Variants in DIP2C observed in about 807,000 individuals in gnomAD.
The protein encoded by DIP2C is disco-interacting protein 2 homolog C.
A neutral mutation model predicts 192.4 loss-of-function variants in DIP2C; 33 were observed. That is an observed-to-expected ratio of 0.17 (90% CI 0.13 to 0.23). DIP2C has a LOEUF of 0.23. Ranked by LOEUF, DIP2C falls within the 10% of genes least tolerant of loss-of-function variation. DIP2C has a pLI of 1.00. For synonymous variants in DIP2C, 979 were observed against 864.1 expected, an observed-to-expected ratio of 1.13 and a Z score of -2.33; for missense variants, 1,537 against 2,110.1, an observed-to-expected ratio of 0.73 and a Z score of 5.32.
chr10:461,998 T>C (rs1196084891), intron 3 of DIP2C, among the ~76,000 whole-genome samples: 5 of 152,016 alleles, frequency 3.3e-5, no homozygotes, highest in Admixed American at 3.3e-4. Context: ...CAAAAGACAA[T>C]GTACCAGAAT....
intron 31 of DIP2C, among the ~76,000 whole-genome samples, chr10:321,100 C>T (rs1434417334): frequency 1.3e-5 from 2 of 152,210 alleles, no homozygotes; most frequent in African/African-American, 4.8e-5. Flanking sequence ...GTGGGAGGAC[C>T]AGAGTGCCAC....
rs371383374 is a variant in DIP2C, at chr10:553,917, CTG to C, written c.86-67389_86-67388del. Among the ~76,000 whole-genome samples, 182 of 150,262 alleles carry C rather than the reference CTG, an allele frequency of 1.2e-3. 1 individual carries two copies. The highest frequency in any genetic ancestry group is 4.1e-3 in the African/African-American group (165 of 40,648). On this transcript the variant is annotated intron_variant, in intron 1 of 36. Transcript: ENST00000280886. ...ATAGAAAAAAGGTATACGCTTGTAA[CTG>C]TAACAGTGGTGAACAGGCAAGAAAT...
At chr10:633,816 G>A (rs758816708) in intron 1 of DIP2C, among the ~76,000 whole-genome samples, 9 of 152,226 alleles carry the variant, frequency 5.9e-5, no homozygotes, top group Non-Finnish European at 8.8e-5. Context: ...TTAGGTACGC[G>A]GTGGGGTGAC....
At chr10:568,765 C>CAAAA (rs1206501677) in intron 1 of DIP2C, among the ~76,000 whole-genome samples, 3,899 of 37,846 alleles carry the variant, frequency 0.1, 1,338 homozygotes, top group Middle Eastern at 0.16. Context: ...AACTCCGTCT[C>CAAAA]AAAAAAAAAA....
At position 344,886 on chromosome 10, in the gene DIP2C, A is replaced by C. The variant is rs1364236500; in HGVS notation, c.3376T>G (p.Cys1126Gly). 2.5e-6 allele frequency: 4 copies of C among 1,607,536 alleles called. No homozygotes were observed. The highest frequency in any genetic ancestry group is 3.4e-6 in the Non-Finnish European group (4 of 1,178,108). ...DLPKKRPAQI[C>G]KPCNPDTLAY... is the part of the protein sequence containing the mutation. ...AGAGTGTCTGGGTTGCAAGGTTTGC[A>C]GATCTGGGCAGGCCGCTTCTTTGGC... The change falls in exon 28 of 37, where the codon TGC becomes GGC. Residue 1126 changes from cysteine (C) to glycine (G), a missense_variant. Physicochemically the swap from Cys to Gly is radical, Grantham distance 159 (BLOSUM62 -3). This residue lies in a region of DIP2C where 46 missense variants were observed against 28.9 expected (regional missense o/e 1.59). Transcript: ENST00000280886.
chr10:531,073 C>A (rs1478010612), intron 1 of DIP2C, among the ~76,000 whole-genome samples: 1 of 152,210 alleles, frequency 6.6e-6, no homozygotes, highest in Non-Finnish European at 1.5e-5. Flanking sequence ...TTGACAGAGG[C>A]TGCACATAAA....
chr10:641,823 ACCAG>A (rs1357592114), intron 1 of DIP2C: 1 of 153,164 alleles, frequency 6.5e-6, no homozygotes, highest in Non-Finnish European at 1.5e-5. Context: ...GGAATTCGAG[ACCAG>A]CCTGGGCAAC....
chr10:296,437 G>T (rs1200970776), intron 32 of DIP2C, among the ~76,000 whole-genome samples: 5 of 152,106 alleles, frequency 3.3e-5, no homozygotes, highest in African/African-American at 1.2e-4. Flanking sequence ...TACACTGTTG[G>T]TGGGACTGTA....
chr10:330,900 C>A (rs922203464), intron 29 of DIP2C, among the ~76,000 whole-genome samples: 15 of 150,732 alleles, frequency 1.0e-4, no homozygotes, highest in African/African-American at 3.7e-4. Context: ...ATAACCTCTG[C>A]CTTTCAAGCT....
At chr10:338,574 G>T (rs1957985439) in intron 29 of DIP2C, among the ~76,000 whole-genome samples, 1 of 152,186 alleles carries the variant, frequency 6.6e-6, no homozygotes, top group African/African-American at 2.4e-5. Flanking sequence ...TGCGGACTGG[G>T]TGTGTCAGGC....
At chr10:475,389 C>T (rs924557942) in intron 2 of DIP2C, among the ~76,000 whole-genome samples, 12 of 152,168 alleles carry the variant, frequency 7.9e-5, no homozygotes, top group Non-Finnish European at 1.2e-4. Flanking sequence ...AGTTGCCAAG[C>T]GTATCCAGTG....
chr10:527,915 C>T (rs957187807), intron 1 of DIP2C, among the ~76,000 whole-genome samples: 1 of 152,194 alleles, frequency 6.6e-6, no homozygotes, highest in Non-Finnish European at 1.5e-5. Context: ...CTCCAGGCCA[C>T]GGCTACACTT....
chr10:626,237 G>A (rs1175768744), intron 1 of DIP2C, among the ~76,000 whole-genome samples: 1 of 152,164 alleles, frequency 6.6e-6, no homozygotes, highest in Non-Finnish European at 1.5e-5. Flanking sequence ...GGGAAACTGG[G>A]GCGGAAACAC....
At chr10:528,558 C>T (rs1361725190) in intron 1 of DIP2C, among the ~76,000 whole-genome samples, 1 of 152,224 alleles carries the variant, frequency 6.6e-6, no homozygotes, top group East Asian at 1.9e-4. Context: ...GCTTTGTGCA[C>T]TTATCACACA....
intron 1 of DIP2C, among the ~76,000 whole-genome samples, chr10:492,437 G>A (rs542790904): frequency 6.6e-6 from 1 of 152,334 alleles, no homozygotes; most frequent in Admixed American, 6.5e-5. Flanking sequence ...GCAAGCATCG[G>A]CAGCTTAAAT....
At chr10:491,105 C>T (rs576630566) in intron 1 of DIP2C, among the ~76,000 whole-genome samples, 62 of 152,324 alleles carry the variant, frequency 4.1e-4, no homozygotes, top group Non-Finnish European at 6.2e-4. Context: ...GCCTCAGGCA[C>T]GCACCAGCCA....
Position 327,061 on chromosome 10 carries a change from G to A in DIP2C, c.3869C>T (p.Pro1290Leu), listed in dbSNP as rs771443464. 3.5e-5 allele frequency: 56 copies of A among 1,614,152 alleles called. No individual in the cohort carries two copies. The East Asian group carries it at 5.1e-4, about 15-fold the overall frequency. The change falls in exon 31 of 37, where the codon CCG becomes CTG. Residue 1290 changes from proline to leucine, a missense_variant. Pro to Leu is a moderately conservative substitution (Grantham distance 98). Coordinates refer to ENST00000280886, the MANE Select transcript of DIP2C (RefSeq NM_014974.3). ...ACCGAACGAGGTGCTGACGGCCCGC[G>A]GGTGAAGGCCCAGGTCCTTAAACAG... ...SKLFKDLGLH[P>L]RAVSTSFGCR... is the part of the protein sequence containing the mutation.
chr10:328,349 A>C (rs1957363704), intron 30 of DIP2C, among the ~76,000 whole-genome samples: 1 of 152,196 alleles, frequency 6.6e-6, no homozygotes, highest in Non-Finnish European at 1.5e-5. Flanking sequence ...TCAGCCTAAG[A>C]ACCTGGAAAG....
chr10:622,898 TAG>T (rs1203248114), intron 1 of DIP2C, among the ~76,000 whole-genome samples: 3 of 152,202 alleles, frequency 2.0e-5, no homozygotes, highest in African/African-American at 4.8e-5. Flanking sequence ...GATGTGGAAT[TAG>T]AGCTCGAGAA....
Sources: allele counts gnomAD v4.1 joint callset (sites outside exome capture counted in the v4.1 genomes callset), GRCh38; gene constraint gnomAD v4.1.1; regional missense constraint gnomAD v4.1.1; transcripts MANE v1.5; gene names NCBI Gene and HGNC (gene_info 2026-07-23, HGNC 2026-07-21).